ST6GAL1: variants seen among roughly 807,000 people sequenced by gnomAD.
ST6GAL1 encodes beta-galactoside alpha-2,6-sialyltransferase 1.
Under a neutral mutation model 38.0 loss-of-function variants are expected in ST6GAL1, and 20 were observed. The ratio of observed to expected loss-of-function variants is 0.53; its 90% CI spans 0.37 to 0.77. The LOEUF (loss-of-function observed/expected upper bound fraction) is 0.77. Ranked by LOEUF, ST6GAL1 falls within the 30% of genes least tolerant of loss-of-function variation. The pLI, the probability that ST6GAL1 is intolerant of heterozygous loss-of-function variation, is 0.00. For synonymous variants in ST6GAL1, 196 were observed against 188.2 expected (o/e 1.04, Z -0.34); for missense variants, 432 against 496.4 (o/e 0.87, Z 1.23).
intron 2 of ST6GAL1, among the ~76,000 whole-genome samples, chr3:187,020,469 G>A (rs1009011519): frequency 2.0e-5 from 3 of 152,152 alleles, no homozygotes; most frequent in Non-Finnish European, 2.9e-5. Context: ...ACATCTATAA[G>A]ACCTGCTGTT....
intron 2 of ST6GAL1, chr3:187,005,992 C>G (rs1716774678): frequency 6.6e-6 from 1 of 152,210 alleles, no homozygotes; most frequent in Non-Finnish European, 1.5e-5. Context: ...GGAAGTGGTG[C>G]AAGTGGGGTG....
chr3:186,997,630 A>T (rs1303775258), intron 2 of ST6GAL1, among the ~76,000 whole-genome samples: 1 of 151,950 alleles, frequency 6.6e-6, no homozygotes, highest in Non-Finnish European at 1.5e-5. Context: ...GGTAGCACAC[A>T]CCAGTAGTCA....
In ST6GAL1 at chr3:187,063,948, C is replaced by T. The variant is rs899985432; in HGVS notation, c.706-8901C>T. Among the ~76,000 whole-genome samples the T allele has an allele frequency of 2.6e-5, 4 of 152,064 alleles. No individual in the cohort carries two copies. The East Asian group carries it at 7.7e-4, about 29-fold the overall frequency. On this transcript the variant is annotated intron_variant, in intron 5 of 7. Coordinates refer to ENST00000169298, the MANE Select transcript of ST6GAL1 (RefSeq NM_173216.2). Reference sequence around the variant, plus strand: ...ATCAAAGGAGTTACTATGTGTGGAGCATGTCACCCAGAGGCTGGTATGCAG... The same window carrying T: ...ATCAAAGGAGTTACTATGTGTGGAGTATGTCACCCAGAGGCTGGTATGCAG...
At chr3:187,009,231 A>G (rs528812900) in intron 2 of ST6GAL1, among the ~76,000 whole-genome samples, 3 of 152,184 alleles carry the variant, frequency 2.0e-5, no homozygotes. Flanking sequence ...GTCAATAATT[A>G]AAAAAACTTT....
rs189447252 is a variant in ST6GAL1, at chr3:186,997,238, C to T, written c.-183+33312C>T. On this transcript the variant is annotated intron_variant, in intron 2 of 7. Transcript: ENST00000169298. ...GTCCTTTGCATTTATCAAGCACTGT[C>T]ATACGTGTTATCTCATGCAATGACC... Among the ~76,000 whole-genome samples, 4 of 152,268 alleles carry T rather than the reference C, an allele frequency of 2.6e-5. No individual in the cohort carries two copies. The East Asian group carries it at 5.8e-4, about 22-fold the overall frequency.
In ST6GAL1 at chr3:187,056,535, G is replaced by A. The variant is rs188892698; in HGVS notation, c.705+5189G>A. 5.2e-3 allele frequency among the ~76,000 whole-genome samples: 785 copies of A among 152,218 alleles called. 9 individuals are homozygous for A. Among genetic ancestry groups the A allele is most frequent in the African/African-American group, 0.018 (758 of 41,504 alleles). The stretch of plus-strand genomic sequence containing the variant: ...CTCTCAGCATTTGCTTGTCTGTAAA[G>A]GATTTTATTTCTCCTTCACATATGA... On this transcript the variant is annotated intron_variant, in intron 5 of 7. Coordinates refer to ENST00000169298, the MANE Select transcript of ST6GAL1 (RefSeq NM_173216.2).
chr3:187,023,063 C>T (rs1044637314), intron 2 of ST6GAL1, among the ~76,000 whole-genome samples: 4 of 152,194 alleles, frequency 2.6e-5, no homozygotes, highest in Non-Finnish European at 4.4e-5. Flanking sequence ...AACCTCCTTT[C>T]TGTCATGGCT....
chr3:186,946,907 C>T (rs935754773), intron 1 of ST6GAL1, among the ~76,000 whole-genome samples: 5 of 152,158 alleles, frequency 3.3e-5, no homozygotes, highest in Admixed American at 2.0e-4. Context: ...GAACAAAATA[C>T]GTTATCAATC....
Position 187,034,187 on chromosome 3 carries a change from A to G in ST6GAL1, c.-182-4555A>G, listed in dbSNP as rs192323250. On this transcript the variant is annotated intron_variant, in intron 2 of 7. Transcript: ENST00000169298. ...ATGGACAAATTCCTGGAAACTCACA[A>G]TCTTTCAAGATTGAATCAGGAAGAA... is the stretch of plus-strand genomic sequence containing the variant. 2.7e-3 allele frequency among the ~76,000 whole-genome samples: 415 copies of G among 152,288 alleles called. 1 individual carries two copies. Among genetic ancestry groups the G allele is most frequent in the African/African-American group, 9.5e-3 (393 of 41,570 alleles).
At chr3:187,021,846 G>A (rs1717318014) in intron 2 of ST6GAL1, 1 of 152,056 alleles carries the variant, frequency 6.6e-6, no homozygotes, top group South Asian at 2.1e-4. Flanking sequence ...CAAGAGGACA[G>A]GGTTGGGTGA....
At chr3:187,007,992 A>T (rs1282126621) in intron 2 of ST6GAL1, among the ~76,000 whole-genome samples, 1 of 152,152 alleles carries the variant, frequency 6.6e-6, no homozygotes, top group Non-Finnish European at 1.5e-5. Flanking sequence ...AACAAAAAAA[A>T]ATTGGAGAAA....
chr3:187,068,502 G>A (rs1473904341), intron 5 of ST6GAL1, among the ~76,000 whole-genome samples: 1 of 152,068 alleles, frequency 6.6e-6, no homozygotes, highest in Admixed American at 6.5e-5. Flanking sequence ...TACTTCCTAG[G>A]GCTGTTGTGA....
intron 1 of ST6GAL1, among the ~76,000 whole-genome samples, chr3:186,948,371 T>C (rs554508805): frequency 2.1e-4 from 32 of 152,250 alleles, no homozygotes; most frequent in Admixed American, 9.2e-4. Flanking sequence ...CTCAAAGAAA[T>C]TGGGCTTCTG....
At chr3:187,066,609 T>TGTGTGC in intron 5 of ST6GAL1, among the ~76,000 whole-genome samples, 1 of 151,334 alleles carries the variant, frequency 6.6e-6, no homozygotes, top group South Asian at 2.1e-4. Flanking sequence ...TGCGTGTGTG[T>TGTGTGC]GTGTGTGTGT....
intron 2 of ST6GAL1, among the ~76,000 whole-genome samples, chr3:186,987,433 T>C (rs978740979): frequency 7.9e-5 from 12 of 152,120 alleles, no homozygotes; most frequent in Admixed American, 3.9e-4. Flanking sequence ...CAACAAGCCT[T>C]TGGGGGAGAA....
chr3:187,019,937 G>T (rs529842386), intron 2 of ST6GAL1, among the ~76,000 whole-genome samples: 1 of 152,218 alleles, frequency 6.6e-6, no homozygotes, highest in Non-Finnish European at 1.5e-5. Context: ...AGAGAGGCTC[G>T]CAGTAGCCCT....
intron 5 of ST6GAL1, among the ~76,000 whole-genome samples, chr3:187,066,597 C>T (rs972533577): frequency 1.0e-4 from 12 of 117,044 alleles, no homozygotes; most frequent in Admixed American, 2.6e-4. Flanking sequence ...GATGTGCGTG[C>T]GTGCGTGTGT....
intron 2 of ST6GAL1, among the ~76,000 whole-genome samples, chr3:186,989,478 T>A (rs1579299913): frequency 6.6e-6 from 1 of 152,060 alleles, no homozygotes; most frequent in South Asian, 2.1e-4. Context: ...TGCTACTGAG[T>A]GGGGGATTTT....
chr3:187,032,664 T>A (rs1315513408), intron 2 of ST6GAL1, among the ~76,000 whole-genome samples: 1 of 152,212 alleles, frequency 6.6e-6, no homozygotes, highest in African/African-American at 2.4e-5. Context: ...CAAACACTCA[T>A]GCCACAAGGG....
Sources: allele counts gnomAD v4.1 joint callset (sites outside exome capture counted in the v4.1 genomes callset), GRCh38; gene constraint gnomAD v4.1.1; transcripts MANE v1.5; gene names NCBI Gene and HGNC (gene_info 2026-07-23, HGNC 2026-07-21).